The following PTPRS variants were observed in gnomAD, a reference collection of about 807,000 sequenced individuals.
PTPRS encodes protein tyrosine phosphatase receptor type S.
In PTPRS, 63 loss-of-function variants were observed where a neutral mutation model predicts 215.3. The observed-to-expected ratio is 0.29, with a 90% CI of 0.24 to 0.36. The LOEUF (loss-of-function observed/expected upper bound fraction) is 0.36. Ranked by LOEUF, PTPRS falls within the 10% of genes least tolerant of loss-of-function variation. The probability of loss-of-function intolerance (pLI) is 1.00; values close to 1 mark genes in which losing one functional copy is unlikely to be tolerated. For synonymous variants in PTPRS, 1,404 were observed against 1,191.4 expected (o/e 1.18, Z -3.68); for missense variants, 2,258 against 2,825.8 (o/e 0.80, Z 4.56).
Position 5,219,387 on chromosome 19 carries a change from C to A in PTPRS, c.3846G>T (p.Gly1282=), listed in dbSNP as rs778759270. The change falls in exon 23 of 38, where the codon GGG becomes GGT. Residue 1282 remains glycine, a synonymous_variant. Transcript: ENST00000262963. ...GCACAGGCCCGATCACCCAGATAAG[C>A]CCCTCCTCGCCATCCACGATGGGCT... is the stretch of plus-strand genomic sequence containing the variant. The part of the protein sequence containing the change: ...DPQPIVDGEE[G]LIWVIGPVLA... 7.4e-6 allele frequency: 12 copies of A among 1,613,676 alleles called. No individual in the cohort carries two copies. In the African/African-American group the frequency reaches 9.3e-5, roughly 13 times the overall value.
In PTPRS at chr19:5,210,114, C is replaced by T. The variant is rs1475486227; in HGVS notation, c.5487+355G>A. On this transcript the variant is annotated intron_variant, in intron 35 of 37. Transcript: ENST00000262963. This position sits in a 1 kb window ranked among gnomAD's most constrained non-coding sequence, Gnocchi z 4.5. ...TGCCAGTCCCCACCATCTGACTCTCCTTGTCCACCGTCTACCACCCCTCAC... is the reference window on the plus strand; with the variant it reads ...TGCCAGTCCCCACCATCTGACTCTCTTTGTCCACCGTCTACCACCCCTCAC... Among the ~76,000 whole-genome samples the T allele has an allele frequency of 1.3e-5, 2 of 152,186 alleles. No individual in the cohort carries two copies. The highest frequency in any genetic ancestry group is 2.9e-5 in the Non-Finnish European group (2 of 68,024).
chr19:5,334,994 G>A (rs1292763796), intron 1 of PTPRS, among the ~76,000 whole-genome samples: 1 of 152,170 alleles, frequency 6.6e-6, no homozygotes, highest in East Asian at 1.9e-4. Flanking sequence ...GCTGATCACG[G>A]GGGTTAATTA....
At chr19:5,234,717 G>A (rs992485408) in intron 13 of PTPRS, among the ~76,000 whole-genome samples, 3 of 151,700 alleles carry the variant, frequency 2.0e-5, no homozygotes, top group African/African-American at 7.3e-5. Context: ...TATCAGAAAA[G>A]TTAATAGTCC....
intron 25 of PTPRS, 131 bp from the exon 26 acceptor site, chr19:5,216,898 C>A: frequency 1.6e-6 from 1 of 640,752 alleles, no homozygotes; most frequent in South Asian, 1.8e-5. Flanking sequence ...GGGGTATGTA[C>A]AGCCACCTGG....
intron 14 of PTPRS, among the ~76,000 whole-genome samples, chr19:5,231,062 G>C (rs865796714): frequency 6.6e-6 from 1 of 152,216 alleles, no homozygotes; most frequent in Non-Finnish European, 1.5e-5. Flanking sequence ...ATAGAGGGCA[G>C]CCAGCGAAAC....
intron 1 of PTPRS, among the ~76,000 whole-genome samples, chr19:5,297,431 T>A (rs1337953992): frequency 6.6e-6 from 1 of 152,218 alleles, no homozygotes; most frequent in Non-Finnish European, 1.5e-5. Flanking sequence ...GCACCTACTG[T>A]GTGCTGTGCT....
Position 5,274,215 on chromosome 19 carries a change from T to A in PTPRS, c.221A>T (p.Asn74Ile). ...CCAACTCACCTCAAAGCGCTGAGAGTTGACCTTCTTGCCCTTCTTGTTCCA... is the reference window on the plus strand; with the variant it reads ...CCAACTCACCTCAAAGCGCTGAGAGATGACCTTCTTGCCCTTCTTGTTCCA... ...VTWNKKGKKVNSQRFETIEFD... is the reference protein window; with the variant it reads ...VTWNKKGKKVISQRFETIEFD... Residue 74 changes from asparagine to isoleucine, a missense_variant, in exon 3 of 38, where the codon AAC (asparagine) becomes ATC (isoleucine). Around this residue, in one of 6 missense-constraint regions of PTPRS, gnomAD observed 508 missense variants for 799.4 expected, o/e 0.64. Transcript: ENST00000262963. The A allele has an allele frequency of 6.2e-7, 1 of 1,613,586 alleles. No individual in the cohort carries two copies. Among genetic ancestry groups the A allele is most frequent in the Non-Finnish European group, 8.5e-7 (1 of 1,179,704 alleles).
intron 1 of PTPRS, among the ~76,000 whole-genome samples, chr19:5,301,777 A>C (rs904816194): frequency 6.6e-6 from 1 of 151,320 alleles, no homozygotes; most frequent in African/African-American, 2.4e-5. Context: ...CCATGTCCCA[A>C]TACCCCCCAT....
Position 5,222,912 on chromosome 19 carries a change from C to A in PTPRS, c.2880G>T (p.Gly960=). The A allele has an allele frequency of 6.4e-7, 1 of 1,570,006 alleles. No homozygotes were observed. The highest frequency in any genetic ancestry group is 2.3e-5 in the East Asian group (1 of 42,792). Residue 960 remains glycine, a synonymous_variant, in exon 18 of 38, where the codon GGG becomes GGT. Coordinates refer to ENST00000262963, the MANE Select transcript of PTPRS (RefSeq NM_002850.4). ...CGGCCACCGTGTATTTGACGATGGC[C>A]CCGTTGCGCTCGGCGGGCACGGGTG... The part of the protein sequence containing the change: ...WLPPVPAERN[G]AIVKYTVAVR...
rs754164268 is a variant in PTPRS at position 5,213,747 on chromosome 19, G to A, written c.4614+614C>T. Among the ~76,000 whole-genome samples the A allele has an allele frequency of 2.8e-4, 42 of 152,150 alleles. 1 individual carries two copies. Among genetic ancestry groups the A allele is most frequent in the Admixed American group, 4.6e-4 (7 of 15,272 alleles). On this transcript the variant is annotated intron_variant, in intron 30 of 37. Transcript: ENST00000262963. ...CACTTAGGTCAAGCAGGTGCCTGAC[G>A]GTGAGATGACCTGGCTGGGTGTTGG... is the stretch of plus-strand genomic sequence containing the variant.
chr19:5,312,906 A>G (rs556273326), intron 1 of PTPRS, among the ~76,000 whole-genome samples: 70 of 151,958 alleles, frequency 4.6e-4, no homozygotes, highest in Non-Finnish European at 6.8e-4. Context: ...GAGCCCCAAA[A>G]CCTGGCCTAG....
At chr19:5,248,638 C>T (rs539957865) in intron 9 of PTPRS, among the ~76,000 whole-genome samples, 5 of 152,334 alleles carry the variant, frequency 3.3e-5, no homozygotes, top group Admixed American at 6.5e-5. Context: ...CCTCTCAGTC[C>T]ACTTCTCGAC....
intron 1 of PTPRS, among the ~76,000 whole-genome samples, chr19:5,313,895 A>G (rs1340962532): frequency 6.6e-6 from 1 of 151,924 alleles, no homozygotes; most frequent in Non-Finnish European, 1.5e-5. Flanking sequence ...CCAGCAGTTC[A>G]AGACCAGCCT....
At chr19:5,326,678 G>A (rs1254180325) in intron 1 of PTPRS, among the ~76,000 whole-genome samples, 2 of 150,116 alleles carry the variant, frequency 1.3e-5, no homozygotes, top group Non-Finnish European at 3.0e-5. Context: ...AGAGTGAGAT[G>A]CTGTCAAAAG....
intron 11 of PTPRS, 140 bp from the exon 12 acceptor site, chr19:5,240,472 C>A: frequency 1.2e-6 from 1 of 828,728 alleles, no homozygotes; most frequent in Non-Finnish European, 1.7e-6. Flanking sequence ...GGGACCTCGC[C>A]CCCATCCCAT....
chr19:5,221,302 G>T, intron 19 of PTPRS, 49 bp from the exon 20 acceptor site: 1 of 1,568,696 alleles, frequency 6.4e-7, no homozygotes, highest in Non-Finnish European at 8.6e-7. Context: ...CATGCCCATG[G>T]ACTGAGCCCC....
rs2042134718 is a variant in PTPRS at position 5,222,950 on chromosome 19, G to A, written c.2842C>T (p.Leu948Phe). The change falls in exon 18 of 38, where the codon CTC (leucine) becomes TTC (phenylalanine). Residue 948 changes from leucine (L) to phenylalanine (F), a missense_variant. This residue lies in a region of PTPRS where 361 missense variants were observed against 332.6 expected (regional missense o/e 1.09). Transcript: ENST00000262963. ...GCGGGCACGGGTGGCAGCCAGCGGA[G>A]AAGGACGGTCCCGGCCGAGGCGTTG... ...AGNASAGTVL[L>F]RWLPPVPAER... 2.6e-6 allele frequency: 4 copies of A among 1,551,784 alleles called. No homozygotes were observed. Among genetic ancestry groups the A allele is most frequent in the Admixed American group, 1.9e-5 (1 of 52,776 alleles).
At position 5,262,979 on chromosome 19, in the gene PTPRS, G is replaced by A. The variant is rs775618599; in HGVS notation, c.569-7C>T. On this transcript the variant is annotated splice_region_variant and splice_polypyrimidine_tract_variant and intron_variant, in intron 5 of 37. Transcript: ENST00000262963. Reference sequence around the variant, plus strand: ...TCAGACTTACCAAAGGTTTCTGAACGTTTACAACAGGAGGATAAGAAAAGA... The same window carrying A: ...TCAGACTTACCAAAGGTTTCTGAACATTTACAACAGGAGGATAAGAAAAGA... The A allele has an allele frequency of 4.5e-6, 6 of 1,344,292 alleles. No individual in the cohort carries two copies. Among genetic ancestry groups the A allele is most frequent in the South Asian group, 1.2e-5 (1 of 83,742 alleles). The allele number at this position is 1,344,292 out of a possible 1,614,324, so 83.3% of individuals were successfully genotyped here.
chr19:5,311,435 A>G (rs899599958), intron 1 of PTPRS, among the ~76,000 whole-genome samples: 4 of 152,142 alleles, frequency 2.6e-5, no homozygotes, highest in Non-Finnish European at 4.4e-5. Context: ...GAGGTGCTCA[A>G]TAAGTATCCA....
Sources: allele counts gnomAD v4.1 joint callset (sites outside exome capture counted in the v4.1 genomes callset), GRCh38; gene constraint gnomAD v4.1.1; regional missense constraint gnomAD v4.1.1; non-coding constraint Gnocchi (gnomAD v3.1); transcripts MANE v1.5; gene names NCBI Gene and HGNC (gene_info 2026-07-23, HGNC 2026-07-21).